The following KSR2 variants were observed in gnomAD, a reference collection of about 807,000 sequenced individuals.
KSR2 encodes kinase suppressor of ras 2.
A neutral mutation model predicts 107.8 loss-of-function variants in KSR2; 25 were observed. That is an observed-to-expected ratio of 0.23 (90% CI 0.17 to 0.32). The LOEUF is 0.32. Among genes scored for constraint, KSR2 ranks in the 10% least tolerant of loss-of-function variants. The pLI is 1.00. For missense variants in KSR2, 887 were observed against 1,268.9 expected (o/e 0.70, Z 4.57); for synonymous variants, 480 against 507.0 (o/e 0.95, Z 0.71).
chr12:117,580,414 C>T (rs1186606209), intron 6 of KSR2, among the ~76,000 whole-genome samples: 1 of 152,186 alleles, frequency 6.6e-6, no homozygotes, highest in Admixed American at 6.5e-5. Context: ...GTGTATTTCA[C>T]TCATCAGCCA....
At chr12:117,923,268 A>G (rs1287993639) in intron 1 of KSR2, among the ~76,000 whole-genome samples, 2 of 152,232 alleles carry the variant, frequency 1.3e-5, no homozygotes, top group Non-Finnish European at 2.9e-5. Flanking sequence ...GTCTTTAAAC[A>G]GAAACACGTA....
intron 5 of KSR2, among the ~76,000 whole-genome samples, chr12:117,633,658 G>A (rs1475440337): frequency 1.3e-5 from 2 of 152,106 alleles, no homozygotes; most frequent in African/African-American, 4.8e-5. Context: ...TCCTCACATG[G>A]TCTCCTTCCT....
chr12:117,575,984 T>C (rs766277332), intron 7 of KSR2, among the ~76,000 whole-genome samples: 9 of 152,192 alleles, frequency 5.9e-5, no homozygotes, highest in Non-Finnish European at 1.3e-4. Flanking sequence ...AACTCAGTTC[T>C]GACTGCTTCC....
chr12:117,698,987 AG>A (rs1886189470), intron 4 of KSR2, among the ~76,000 whole-genome samples: 1 of 152,114 alleles, frequency 6.6e-6, no homozygotes, highest in Admixed American at 6.5e-5. Context: ...CTCATCAGAG[AG>A]GCCATCCCGT....
chr12:117,623,075 C>T (rs1333496298), intron 5 of KSR2, among the ~76,000 whole-genome samples: 2 of 152,202 alleles, frequency 1.3e-5, no homozygotes, highest in East Asian at 1.9e-4. Context: ...GCTACCCCAC[C>T]TCTTTGAGCC....
At chr12:117,835,048 G>A (rs988394940) in intron 3 of KSR2, among the ~76,000 whole-genome samples, 1 of 152,042 alleles carries the variant, frequency 6.6e-6, no homozygotes, top group Non-Finnish European at 1.5e-5. Flanking sequence ...AGAGTCCAGG[G>A]AAAAAGGGGC....
intron 3 of KSR2, among the ~76,000 whole-genome samples, chr12:117,849,316 A>G (rs897588357): frequency 6.6e-6 from 1 of 152,188 alleles, no homozygotes; most frequent in African/African-American, 2.4e-5. Flanking sequence ...CCCCCACACT[A>G]GAAAGTAAAC....
chr12:117,548,030 G>C (rs933729923), intron 9 of KSR2, among the ~76,000 whole-genome samples: 1 of 152,084 alleles, frequency 6.6e-6, no homozygotes, highest in Non-Finnish European at 1.5e-5. Flanking sequence ...CCGGGAAGCA[G>C]AGGTTGCAGT....
In KSR2 at chr12:117,569,390, A is replaced by T. The variant is rs558246770; in HGVS notation, c.1325+9729T>A. Among the ~76,000 whole-genome samples the T allele has an allele frequency of 5.6e-4, 85 of 152,342 alleles. 1 individual carries two copies. Among genetic ancestry groups the T allele is most frequent in the African/African-American group, 2.0e-3 (84 of 41,580 alleles). Reference sequence around the variant, plus strand: ...TAAAGTGACTGTTTACATAAAAAGAAGTAGGTACAAGCATGTCTGGCCAGC... The same window carrying T: ...TAAAGTGACTGTTTACATAAAAAGATGTAGGTACAAGCATGTCTGGCCAGC... On this transcript the variant is annotated intron_variant, in intron 7 of 19. Coordinates refer to ENST00000339824, the MANE Select transcript of KSR2 (RefSeq NM_173598.6).
intron 4 of KSR2, among the ~76,000 whole-genome samples, chr12:117,719,951 G>T (rs1887141061): frequency 6.6e-6 from 1 of 152,188 alleles, no homozygotes; most frequent in Non-Finnish European, 1.5e-5. Flanking sequence ...CCAAGTGAAA[G>T]AAATTCTGCC....
In KSR2 at chr12:117,765,160, C is replaced by T. The variant is rs535237154; in HGVS notation, c.473-3636G>A. ...ATCAAGTTAAGACAAGTTTCTCCATCGCATGGTAAGCTCTGGATTGATGTA... is the reference window on the plus strand; with the variant it reads ...ATCAAGTTAAGACAAGTTTCTCCATTGCATGGTAAGCTCTGGATTGATGTA... On this transcript the variant is annotated intron_variant, in intron 3 of 19. Coordinates refer to ENST00000339824, the MANE Select transcript of KSR2 (RefSeq NM_173598.6). Among the ~76,000 whole-genome samples, 7 of 152,338 alleles carry T rather than the reference C, an allele frequency of 4.6e-5. No individual in the cohort carries two copies. The South Asian group carries it at 8.3e-4, about 18-fold the overall frequency.
At chr12:117,770,394 C>T (rs973758833) in intron 3 of KSR2, among the ~76,000 whole-genome samples, 3 of 152,104 alleles carry the variant, frequency 2.0e-5, no homozygotes, top group Admixed American at 2.0e-4. Context: ...GTGGGACAGG[C>T]AAGGAACCGA....
In KSR2 at chr12:117,860,464, TCTCAGAGG is replaced by T. The variant is rs752383061; in HGVS notation, c.181-41_181-34del. ...GACACAGACGAGGACAGAGGACACA[TCTCAGAGG>T]CAGTGACACAAGGAAGAGAGGCGAG... On this transcript the variant is annotated intron_variant, in intron 1 of 19. Transcript: ENST00000339824. 1.9e-6 allele frequency: 3 copies of T among 1,568,496 alleles called. No individual in the cohort carries two copies. The Admixed American group carries it at 5.3e-5, about 28-fold the overall frequency.
At chr12:117,746,407 C>T (rs1888405782) in intron 4 of KSR2, among the ~76,000 whole-genome samples, 2 of 152,110 alleles carry the variant, frequency 1.3e-5, no homozygotes, top group Admixed American at 6.6e-5. Flanking sequence ...GGACCCCTTC[C>T]TTACACTGCA....
chr12:117,708,955 C>T (rs1465329575), intron 4 of KSR2, among the ~76,000 whole-genome samples: 1 of 152,096 alleles, frequency 6.6e-6, no homozygotes, highest in Non-Finnish European at 1.5e-5. Flanking sequence ...TGAATCATGG[C>T]CCCTTCCTCC....
At chr12:117,767,058 C>CA (rs1397196511) in intron 3 of KSR2, among the ~76,000 whole-genome samples, 1 of 151,664 alleles carries the variant, frequency 6.6e-6, no homozygotes, top group East Asian at 2.0e-4. Context: ...CTCAACCTCC[C>CA]AAAGTGCTGG....
chr12:117,564,980 G>A (rs1399554029), intron 7 of KSR2, among the ~76,000 whole-genome samples: 5 of 152,140 alleles, frequency 3.3e-5, no homozygotes, highest in South Asian at 4.1e-4. Context: ...TTCCCAGTGC[G>A]GGGCTGGAGG....
chr12:117,468,412 G>C (rs923581345), intron 19 of KSR2, among the ~76,000 whole-genome samples: 1 of 152,188 alleles, frequency 6.6e-6, no homozygotes, highest in African/African-American at 2.4e-5. Flanking sequence ...ATCTATGTCT[G>C]TCTGTAAAGT....
intron 1 of KSR2, among the ~76,000 whole-genome samples, chr12:117,917,061 G>T (rs1895199036): frequency 6.6e-6 from 1 of 152,084 alleles, no homozygotes; most frequent in African/African-American, 2.4e-5. Context: ...CAGCATCCCT[G>T]ACCTTTACCC....
Sources: gnomAD v4.1 joint callset for allele counts (sites outside exome capture counted in the v4.1 genomes callset) on GRCh38, gnomAD v4.1.1 for gene constraint, MANE v1.5 for transcripts, NCBI Gene and HGNC (gene_info 2026-07-23, HGNC 2026-07-21) for gene names.